Variants in SRGAP2 observed in about 807,000 individuals in gnomAD.
SRGAP2 encodes SLIT-ROBO Rho GTPase activating protein 2, also known as SLIT-ROBO Rho GTPase-activating protein 2.
In SRGAP2, 15 loss-of-function variants were observed where a neutral mutation model predicts 57.2. That is an observed-to-expected ratio of 0.26 (90% CI 0.18 to 0.40). The LOEUF (loss-of-function observed/expected upper bound fraction) is 0.40. SRGAP2 is among the 10% of genes least tolerant of loss of function. The pLI, the probability that SRGAP2 is intolerant of heterozygous loss-of-function variation, is 1.00. For synonymous variants in SRGAP2, 249 were observed against 248.0 expected, an observed-to-expected ratio of 1.00 and a Z score of -0.04; for missense variants, 520 against 669.6, an observed-to-expected ratio of 0.78 and a Z score of 2.47.
intron 10 of SRGAP2, among the ~76,000 whole-genome samples, chr1:206,412,028 C>T (rs1436985457): frequency 2.0e-5 from 3 of 152,048 alleles, no homozygotes; most frequent in African/African-American, 4.8e-5. Context: ...TCTCATTTTT[C>T]GGATGGAAAA....
At position 206,458,929 on chromosome 1, in the gene SRGAP2, C is replaced by T. The variant is rs781814693; in HGVS notation, c.2814C>T (p.Asp938=). The change falls in exon 22 of 23, where the codon GAC becomes GAT. Residue 938 remains aspartate, a synonymous_variant. Coordinates refer to ENST00000573034, the MANE Select transcript of SRGAP2 (RefSeq NM_015326.5). The part of the protein sequence containing the change: ...SKSFNNHRPM[D]PEVIAQDIEA... ...GCTTCAATAACCATCGGCCCATGGA[C>T]CCTGAGGTCATTGCTCAGGTAACTG... 1.3e-6 allele frequency: 1 copy of T among 773,820 alleles called. No individual in the cohort carries two copies. Among genetic ancestry groups the T allele is most frequent in the East Asian group, 2.4e-5 (1 of 41,040 alleles). The allele number at this position is 773,820 out of a possible 1,614,324, so 47.9% of individuals were successfully genotyped here.
rs1470624635 is a variant in SRGAP2, at chr1:206,269,229, A to G, written c.68-34052A>G. 4.4e-3 allele frequency among the ~76,000 whole-genome samples: 627 copies of G among 143,584 alleles called. 43 individuals are homozygous for G. The East Asian group carries it at 0.11, about 26-fold the overall frequency. The allele number at this position is 143,584 out of a possible 152,430, so 94.2% of individuals were successfully genotyped here. ...GAGGCATGAAACAAGAGTGCATCCT[A>G]TATGATTCCATTTATATGAAATTTT... On this transcript the variant is annotated intron_variant, in intron 2 of 22. Transcript: ENST00000573034.
intron 2 of SRGAP2, among the ~76,000 whole-genome samples, chr1:206,218,008 T>C (rs1366255547): frequency 3.9e-5 from 6 of 151,966 alleles, no homozygotes; most frequent in Non-Finnish European, 7.4e-5. Context: ...GATTTTTGCT[T>C]ATTAATACGT....
chr1:206,375,384 T>A (rs1655103821), intron 4 of SRGAP2, among the ~76,000 whole-genome samples: 1 of 151,830 alleles, frequency 6.6e-6, no homozygotes, highest in African/African-American at 2.4e-5. Context: ...ATCTTCAGAA[T>A]GACCTCAAGA....
Position 206,462,723 on chromosome 1 carries a change from C to T in SRGAP2, c.*1303C>T, listed in dbSNP as rs1030780554. 1.3e-4 allele frequency: 20 copies of T among 152,144 alleles called. No homozygotes were observed. The highest frequency in any genetic ancestry group is 4.3e-4 in the African/African-American group (18 of 41,418). The allele number at this position is 152,144 out of a possible 1,614,324, so 9.4% of individuals were successfully genotyped here. On this transcript the variant is annotated 3_prime_UTR_variant, in exon 23 of 23. Transcript: ENST00000573034. ...TCTCAAGTCTTCCCAAGGCCAGAATCGAAAGAAAATTAAAATTTGAATGCT... is the reference window on the plus strand; with the variant it reads ...TCTCAAGTCTTCCCAAGGCCAGAATTGAAAGAAAATTAAAATTTGAATGCT...
intron 13 of SRGAP2, among the ~76,000 whole-genome samples, chr1:206,428,420 C>CAAAAAAA (rs71152470): frequency 3.3e-5 from 2 of 60,102 alleles, no homozygotes; most frequent in African/African-American, 1.0e-4. Flanking sequence ...GACTCTGTCT[C>CAAAAAAA]AAAAAAAAAA....
intron 2 of SRGAP2, among the ~76,000 whole-genome samples, chr1:206,208,659 T>G (rs1666112445): frequency 6.6e-6 from 1 of 152,234 alleles, no homozygotes; most frequent in Non-Finnish European, 1.5e-5. Flanking sequence ...GCCTGCGATC[T>G]GGTTTGGCTC....
chr1:206,459,387 G>A (rs1469834925), intron 22 of SRGAP2, among the ~76,000 whole-genome samples: 8 of 148,386 alleles, frequency 5.4e-5, no homozygotes, highest in African/African-American at 1.6e-4. Flanking sequence ...CTCTGGTACC[G>A]AATGGGTAGA....
chr1:206,436,908 A>C, intron 14 of SRGAP2, 57 bp from the exon 15 acceptor site: 1 of 779,660 alleles, frequency 1.3e-6, no homozygotes, highest in Admixed American at 1.7e-5. Context: ...TAAGCTTGGC[A>C]CTATGCTTGT....
chr1:206,414,383 A>G (rs572053413), intron 10 of SRGAP2, among the ~76,000 whole-genome samples: 1 of 152,302 alleles, frequency 6.6e-6, no homozygotes, highest in African/African-American at 2.4e-5. Context: ...GTGGCAATCC[A>G]TGAAATCAAA....
intron 2 of SRGAP2, 184 bp downstream of exon 2, chr1:206,206,221 C>T: frequency 7.5e-6 from 4 of 535,236 alleles, no homozygotes; most frequent in South Asian, 2.3e-5. Context: ...GGGCCATTGA[C>T]ACTGGAAAGG....
chr1:206,418,886 C>CTGTGTG (rs1215636072), intron 11 of SRGAP2, among the ~76,000 whole-genome samples: 20 of 107,400 alleles, frequency 1.9e-4, no homozygotes, highest in Admixed American at 4.9e-4. Context: ...CTCCAACTCT[C>CTGTGTG]TCTGTGTGTG....
chr1:206,289,319 C>T (rs1671183033), intron 2 of SRGAP2, among the ~76,000 whole-genome samples: 1 of 143,980 alleles, frequency 6.9e-6, no homozygotes, highest in Non-Finnish European at 1.5e-5. Context: ...GTCGCCCAGG[C>T]TGGAGTGCAG....
intron 2 of SRGAP2, among the ~76,000 whole-genome samples, chr1:206,298,491 G>GT (rs1189168291): frequency 4.7e-4 from 71 of 152,222 alleles, no homozygotes; most frequent in African/African-American, 1.2e-3. Context: ...TTTTTAATCT[G>GT]TTTTTTTCAG....
rs576849767 is a variant in SRGAP2 at position 206,463,084 on chromosome 1, C to G, written c.*1664C>G. ...AAATCTGAGTTTTCTTATCTTTGAC[C>G]TAGAAGAGATTCTTTTTGGACCAAC... On this transcript the variant is annotated 3_prime_UTR_variant, in exon 23 of 23. Transcript: ENST00000573034. The G allele has an allele frequency of 6.9e-4, 105 of 152,234 alleles. No individual in the cohort carries two copies. Among genetic ancestry groups the G allele is most frequent in the Middle Eastern group, 3.4e-3 (1 of 294 alleles). The allele number at this position is 152,234 out of a possible 1,614,324, so 9.4% of individuals were successfully genotyped here. A position where few individuals can be genotyped will look rare whatever the true frequency, so the allele number is the denominator to read the frequency against.
At chr1:206,442,758 A>C (rs1173441006) in intron 17 of SRGAP2, among the ~76,000 whole-genome samples, 1 of 152,214 alleles carries the variant, frequency 6.6e-6, no homozygotes, top group Non-Finnish European at 1.5e-5. Flanking sequence ...GCAAGACACA[A>C]ATGATAAAGC....
rs1215465518 is a variant in SRGAP2 at position 206,464,127 on chromosome 1, C to G, written c.*2707C>G. The G allele has an allele frequency of 6.6e-6, 1 of 152,606 alleles. No individual in the cohort carries two copies. The allele number at this position is 152,606 out of a possible 1,614,324, so 9.5% of individuals were successfully genotyped here. On this transcript the variant is annotated 3_prime_UTR_variant, in exon 23 of 23. Coordinates refer to ENST00000573034, the MANE Select transcript of SRGAP2 (RefSeq NM_015326.5). ...AGCCAACCTCCTCAGGGCGCCCTGGCTTCTCCCCAAGGAGATGAGGAGCGG... is the reference window on the plus strand; with the variant it reads ...AGCCAACCTCCTCAGGGCGCCCTGGGTTCTCCCCAAGGAGATGAGGAGCGG...
chr1:206,416,100 G>A (rs1406699009), intron 11 of SRGAP2, 127 bp downstream of exon 11: 1 of 610,550 alleles, frequency 1.6e-6, no homozygotes, highest in African/African-American at 1.9e-5. Context: ...TCTTTTCTTG[G>A]CTTGTTGGAT....
At chr1:206,309,464 CAAA>C (rs199561904) in intron 3 of SRGAP2, among the ~76,000 whole-genome samples, 14 of 74,614 alleles carry the variant, frequency 1.9e-4, no homozygotes, top group African/African-American at 3.4e-4. Flanking sequence ...AAAGTAAGAG[CAAA>C]AAAAAAAAAA....
Sources: gnomAD v4.1 joint callset for allele counts (sites outside exome capture counted in the v4.1 genomes callset) on GRCh38, gnomAD v4.1.1 for gene constraint, MANE v1.5 for transcripts, NCBI Gene and HGNC (gene_info 2026-07-23, HGNC 2026-07-21) for gene names.